Variants in TEAD1 observed in about 807,000 individuals in gnomAD.
TEAD1 encodes transcriptional enhancer factor TEF-1.
Under a neutral mutation model 54.9 loss-of-function variants are expected in TEAD1, and 9 were observed. That is an observed-to-expected ratio of 0.16 (90% CI 0.10 to 0.29). The LOEUF is 0.29. TEAD1 is among the 10% of genes least tolerant of loss of function. TEAD1 has a pLI of 1.00. For missense variants in TEAD1, 387 were observed against 535.9 expected (o/e 0.72, Z 2.74); for synonymous variants, 200 against 187.8 (o/e 1.07, Z -0.53).
At chr11:12,822,767 A>G (rs1946578894) in intron 3 of TEAD1, 1 of 152,244 alleles carries the variant, frequency 6.6e-6, no homozygotes, top group Non-Finnish European at 1.5e-5. Flanking sequence ...TTCACTCCGT[A>G]GTATCACAGA....
intron 3 of TEAD1, among the ~76,000 whole-genome samples, chr11:12,768,554 G>A (rs142919845): frequency 1.3e-5 from 2 of 152,326 alleles, no homozygotes; most frequent in East Asian, 3.9e-4. Context: ...GCTTGCACAT[G>A]GCCAATATAA....
At chr11:12,934,896 G>A (rs572970516) in intron 12 of TEAD1, among the ~76,000 whole-genome samples, 3 of 152,114 alleles carry the variant, frequency 2.0e-5, no homozygotes, top group Non-Finnish European at 4.4e-5. Context: ...AATGATGGCT[G>A]TAGTGTACTC....
intron 2 of TEAD1, among the ~76,000 whole-genome samples, chr11:12,688,808 TG>T (rs1467630728): frequency 1.3e-5 from 2 of 152,234 alleles, no homozygotes; most frequent in Admixed American, 6.5e-5. Context: ...GCCTCTCTGT[TG>T]GTTCCCCCAA....
chr11:12,714,671 G>A (rs1322568044), intron 2 of TEAD1, among the ~76,000 whole-genome samples: 3 of 152,136 alleles, frequency 2.0e-5, no homozygotes, highest in Non-Finnish European at 4.4e-5. Flanking sequence ...CATAGGCTGG[G>A]GATTTAAGCA....
chr11:12,880,371 A>T (rs972371217), intron 6 of TEAD1, among the ~76,000 whole-genome samples: 1 of 152,242 alleles, frequency 6.6e-6, no homozygotes, highest in Non-Finnish European at 1.5e-5. Flanking sequence ...TGCAGATGAA[A>T]AAGCTGAGGT....
At position 12,911,435 on chromosome 11, in the gene TEAD1, C is replaced by T. The variant is rs78356766; in HGVS notation, c.873+9322C>T. On this transcript the variant is annotated intron_variant, in intron 10 of 12. Transcript: ENST00000527636. ...TTCATGGAAGAGGGAGTTAACAATACGAAATCGTTTGCTTTCCACATGTTT... is the reference window on the plus strand; with the variant it reads ...TTCATGGAAGAGGGAGTTAACAATATGAAATCGTTTGCTTTCCACATGTTT... Among the ~76,000 whole-genome samples the T allele has an allele frequency of 2.9e-4, 44 of 152,258 alleles. 1 individual carries two copies. The East Asian group carries it at 7.5e-3, about 26-fold the overall frequency.
chr11:12,741,838 C>T (rs772236540), intron 2 of TEAD1, among the ~76,000 whole-genome samples: 1 of 152,174 alleles, frequency 6.6e-6, no homozygotes, highest in African/African-American at 2.4e-5. Flanking sequence ...TGCCAGAGCT[C>T]CTGGGATCAC....
rs1203061141 is a variant in TEAD1 at position 12,940,768 on chromosome 11, C to T, written c.*3546C>T. ...TTTCTCGTGGGTCTCATTATCAAAC[C>T]TTTACTTATTTCGGCATATTTCCTC... is the stretch of plus-strand genomic sequence containing the variant. On this transcript the variant is annotated 3_prime_UTR_variant, in exon 13 of 13. Transcript: ENST00000527636. The T allele has an allele frequency of 6.6e-6, 1 of 152,136 alleles. No homozygotes were observed. The highest frequency in any genetic ancestry group is 1.9e-4 in the East Asian group (1 of 5,190). The allele number at this position is 152,136 out of a possible 1,614,324, so 9.4% of individuals were successfully genotyped here.
intron 2 of TEAD1, among the ~76,000 whole-genome samples, chr11:12,709,859 C>T (rs1329550469): frequency 6.6e-6 from 1 of 152,120 alleles, no homozygotes; most frequent in Non-Finnish European, 1.5e-5. Context: ...AGCTGATCAG[C>T]ATGGGCCCCT....
intron 2 of TEAD1, among the ~76,000 whole-genome samples, chr11:12,714,968 A>C (rs1221214310): frequency 1.3e-5 from 2 of 152,138 alleles, no homozygotes; most frequent in Non-Finnish European, 2.9e-5. Flanking sequence ...TAGGGGTTCA[A>C]CATACGATTT....
intron 3 of TEAD1, 49 bp downstream of exon 3, chr11:12,764,483 G>T: frequency 6.3e-7 from 1 of 1,597,022 alleles, no homozygotes. Flanking sequence ...TGCAGTTGTG[G>T]TAGGGGATAG....
chr11:12,799,924 A>T (rs1013615873), intron 3 of TEAD1, among the ~76,000 whole-genome samples: 3 of 152,156 alleles, frequency 2.0e-5, no homozygotes, highest in Admixed American at 6.5e-5. Context: ...TTTGAAAGAG[A>T]GGAGTTTATC....
Position 12,892,506 on chromosome 11 carries a change from T to C in TEAD1, c.699+9381T>C, listed in dbSNP as rs1391251864. The stretch of plus-strand genomic sequence containing the variant: ...CAAAAATACAAAAATTAGCTGGGCA[T>C]GATGGTGGGTGCCTGTAATCCCAGC... On this transcript the variant is annotated intron_variant, in intron 9 of 12. Coordinates refer to ENST00000527636, the MANE Select transcript of TEAD1 (RefSeq NM_021961.6). 2.0e-5 allele frequency among the ~76,000 whole-genome samples: 3 copies of C among 152,056 alleles called. No homozygotes were observed. The East Asian group carries it at 5.8e-4, about 29-fold the overall frequency.
intron 3 of TEAD1, among the ~76,000 whole-genome samples, chr11:12,775,042 A>T (rs947452463): frequency 6.6e-6 from 1 of 152,224 alleles, no homozygotes; most frequent in African/African-American, 2.4e-5. Flanking sequence ...AGGAAGTTAT[A>T]TCATATTTTA....
chr11:12,845,845 C>A (rs1947134912), intron 3 of TEAD1, among the ~76,000 whole-genome samples: 1 of 152,198 alleles, frequency 6.6e-6, no homozygotes, highest in Non-Finnish European at 1.5e-5. Context: ...TCTGGGTGTC[C>A]CAGGGGGCTG....
intron 3 of TEAD1, among the ~76,000 whole-genome samples, chr11:12,839,743 T>C (rs935563792): frequency 3.3e-5 from 5 of 152,062 alleles, no homozygotes; most frequent in African/African-American, 4.8e-5. Flanking sequence ...TTTGTTTCAG[T>C]TGGATATTAA....
At chr11:12,779,065 A>G (rs1348806333) in intron 3 of TEAD1, among the ~76,000 whole-genome samples, 1 of 152,206 alleles carries the variant, frequency 6.6e-6, no homozygotes, top group Non-Finnish European at 1.5e-5. Context: ...TATACTGGAC[A>G]TAATATGTTT....
chr11:12,747,346 T>A (rs1208759489), intron 2 of TEAD1, among the ~76,000 whole-genome samples: 2 of 152,152 alleles, frequency 1.3e-5, no homozygotes, highest in Non-Finnish European at 2.9e-5. Flanking sequence ...GTTTTTTATT[T>A]ATTTTTTGAG....
intron 2 of TEAD1, among the ~76,000 whole-genome samples, chr11:12,718,915 C>G (rs1048681872): frequency 2.0e-5 from 3 of 151,742 alleles, no homozygotes; most frequent in African/African-American, 7.3e-5. Context: ...ATTTTACTTT[C>G]TGATGCTTTA....
Sources: gnomAD v4.1 joint callset for allele counts (sites outside exome capture counted in the v4.1 genomes callset) on GRCh38, gnomAD v4.1.1 for gene constraint, MANE v1.5 for transcripts, NCBI Gene and HGNC (gene_info 2026-07-23, HGNC 2026-07-21) for gene names.